The following GRIA3 variants were observed in gnomAD, a reference collection of about 807,000 sequenced individuals.
GRIA3 encodes glutamate receptor 3.
GRIA3 carries 3 observed loss-of-function variants against 63.0 expected under a neutral mutation model. The observed-to-expected ratio is 0.05, with a 90% CI of 0.02 to 0.12. The LOEUF is 0.12. Among genes scored for constraint, GRIA3 ranks in the 10% least tolerant of loss-of-function variants. The pLI, the probability that GRIA3 is intolerant of heterozygous loss-of-function variation, is 1.00. For missense variants in GRIA3, 347 were observed against 700.9 expected (o/e 0.50, Z 5.70); for synonymous variants, 274 against 257.9 (o/e 1.06, Z -0.60).
intron 10 of GRIA3, among the ~76,000 whole-genome samples, chrX:123,408,399 G>A (rs2045487281): frequency 8.9e-6 from 1 of 112,014 alleles, no homozygotes; most frequent in African/African-American, 3.2e-5. Context: ...CTGGCATTGA[G>A]GAAGACATTA....
intron 12 of GRIA3, among the ~76,000 whole-genome samples, chrX:123,457,687 T>A (rs940828524): frequency 3.1e-4 from 35 of 112,240 alleles, no homozygotes; most frequent in African/African-American, 1.1e-3. Context: ...ATAGCATAAA[T>A]GAATAGCATA....
chrX:123,355,278 C>A (rs1021005364), intron 5 of GRIA3, among the ~76,000 whole-genome samples: 1 of 112,175 alleles, frequency 8.9e-6, no homozygotes, highest in African/African-American at 3.2e-5. Flanking sequence ...GAATTGGGGA[C>A]ACAGGAAACT....
intron 3 of GRIA3, among the ~76,000 whole-genome samples, chrX:123,306,249 C>A (rs1245970170): frequency 1.8e-5 from 2 of 111,590 alleles, no homozygotes; most frequent in Non-Finnish European, 3.8e-5. Context: ...CTTTATGATT[C>A]CCTTATGCCA....
At chrX:123,296,041 A>G (rs149925251) in intron 3 of GRIA3, among the ~76,000 whole-genome samples, 1,509 of 111,399 alleles carry the variant, frequency 0.014, 12 homozygotes, top group Non-Finnish European at 0.022. Context: ...AGTTTGAAGA[A>G]TTTTTTATTT....
chrX:123,365,625 A>G (rs1209977795), intron 5 of GRIA3, among the ~76,000 whole-genome samples: 1 of 111,848 alleles, frequency 8.9e-6, no homozygotes, highest in Non-Finnish European at 1.9e-5. Context: ...GGGAAAAAAA[A>G]AGAAATCAGA....
chrX:123,444,171 C>T (rs2045690729), intron 12 of GRIA3, among the ~76,000 whole-genome samples: 1 of 110,791 alleles, frequency 9.0e-6, no homozygotes. Flanking sequence ...CTTCTTTGTC[C>T]TTACACTTGC....
chrX:123,186,062 G>A (rs765261079), intron 2 of GRIA3, 72 bp downstream of exon 2: 66 of 852,839 alleles, frequency 7.7e-5, no homozygotes, highest in African/African-American at 5.6e-4. Flanking sequence ...GGCACTTAGG[G>A]TCTGTGTATG....
intron 2 of GRIA3, among the ~76,000 whole-genome samples, chrX:123,251,474 C>T (rs1014162096): frequency 1.7e-4 from 19 of 111,346 alleles, no homozygotes; most frequent in African/African-American, 4.9e-4. Flanking sequence ...CTCTGTCGGT[C>T]GCCCAGGCTG....
intron 2 of GRIA3, among the ~76,000 whole-genome samples, chrX:123,241,963 T>C (rs1188954172): frequency 9.0e-6 from 1 of 111,185 alleles, no homozygotes; most frequent in African/African-American, 3.3e-5. Context: ...GAGTAGTGAG[T>C]TCACTATCAT....
chrX:123,479,501 T>A (rs766474075), intron 13 of GRIA3, among the ~76,000 whole-genome samples: 2 of 112,503 alleles, frequency 1.8e-5, no homozygotes. Context: ...GAGATCATTT[T>A]CAGCTGGGCA....
At chrX:123,266,830 G>A (rs2044491395) in intron 3 of GRIA3, among the ~76,000 whole-genome samples, 1 of 110,197 alleles carries the variant, frequency 9.1e-6, no homozygotes, top group Admixed American at 9.7e-5. Flanking sequence ...CCATTCCTTT[G>A]CAAATACTTT....
At chrX:123,374,975 G>A (rs905708914) in intron 5 of GRIA3, among the ~76,000 whole-genome samples, 2 of 111,547 alleles carry the variant, frequency 1.8e-5, no homozygotes, top group African/African-American at 6.5e-5. Context: ...GTACTATGCT[G>A]AATAACAATG....
chrX:123,463,610 GGGAAAGAAAGAA>G (rs2045809284), intron 12 of GRIA3, among the ~76,000 whole-genome samples: 1 of 13,984 alleles, frequency 7.2e-5, no homozygotes, highest in East Asian at 2.2e-3. Flanking sequence ...GAGGGAGGGA[GGGAAAGAAAGAA>G]AGAAAGAAAG....
At chrX:123,349,450 T>C (rs1360763991) in intron 4 of GRIA3, among the ~76,000 whole-genome samples, 1 of 112,900 alleles carries the variant, frequency 8.9e-6, no homozygotes, top group Non-Finnish European at 1.9e-5. Flanking sequence ...AAAGACATGT[T>C]CTTTGGTGAA....
intron 10 of GRIA3, among the ~76,000 whole-genome samples, chrX:123,410,970 T>G (rs925477976): frequency 8.9e-6 from 1 of 112,066 alleles, no homozygotes; most frequent in Non-Finnish European, 1.9e-5. Flanking sequence ...AATTAGGATA[T>G]TCTGTTGTGA....
In GRIA3 at chrX:123,326,044, C is replaced by T. The variant is rs764670975; in HGVS notation, c.527C>T (p.Ala176Val). 4.7e-5 allele frequency: 57 copies of T among 1,206,419 alleles called. No individual in the cohort carries two copies. The highest frequency in any genetic ancestry group is 6.3e-5 in the Non-Finnish European group (56 of 891,105). The change falls in exon 4 of 16, where the codon GCG (alanine) becomes GTG (valine). Residue 176 changes from alanine to valine, a missense_variant. This residue lies in a region of GRIA3 where 113 missense variants were observed against 130.6 expected (regional missense o/e 0.87). Coordinates refer to ENST00000620443, the MANE Select transcript of GRIA3 (RefSeq NM_007325.5). ...CCTTCAGGATTTTCCATCCTCCAAG[C>T]GATTATGGAAGCAGCAGTGCAAAAC... Reference protein sequence around the residue: ...DTERGFSILQAIMEAAVQNNW... With the variant: ...DTERGFSILQVIMEAAVQNNW...
chrX:123,316,272 T>C (rs2044830956), intron 3 of GRIA3, among the ~76,000 whole-genome samples: 1 of 111,334 alleles, frequency 9.0e-6, no homozygotes, highest in Non-Finnish European at 1.9e-5. Context: ...CTCGAAATGA[T>C]GAATAAACAT....
chrX:123,204,490 A>G (rs979837670), intron 2 of GRIA3: 1 of 1,162,961 alleles, frequency 8.6e-7, no homozygotes, highest in African/African-American at 1.8e-5. Flanking sequence ...AGCATCATGG[A>G]GGGAGAAGAA....
At chrX:123,209,314 CATA>C (rs1312247849) in intron 2 of GRIA3, among the ~76,000 whole-genome samples, 1 of 112,017 alleles carries the variant, frequency 8.9e-6, no homozygotes, top group African/African-American at 3.2e-5. Context: ...TATTCAAAGG[CATA>C]ATGACAGTAT....
Sources: gnomAD v4.1 joint callset for allele counts (sites outside exome capture counted in the v4.1 genomes callset) on GRCh38, gnomAD v4.1.1 for gene constraint, gnomAD v4.1.1 regional missense constraint, MANE v1.5 for transcripts, NCBI Gene and HGNC (gene_info 2026-07-23, HGNC 2026-07-21) for gene names.